RNF187: variants seen among roughly 807,000 people sequenced by gnomAD.
RNF187 encodes the protein E3 ubiquitin-protein ligase RNF187.
RNF187 carries 18 observed loss-of-function variants against 22.2 expected under a neutral mutation model. The ratio of observed to expected loss-of-function variants is 0.81; its 90% confidence interval spans 0.56 to 1.20. RNF187 has a LOEUF of 1.20. Ranked by LOEUF, RNF187 falls within the 50% of genes most tolerant of loss-of-function variation. The pLI, the probability that RNF187 is intolerant of heterozygous loss-of-function variation, is 0.00. For synonymous variants in RNF187, 164 were observed against 140.9 expected, an observed-to-expected ratio of 1.16 and a Z score of -1.16; for missense variants, 329 against 317.6, an observed-to-expected ratio of 1.04 and a Z score of -0.27.
chr1:228,492,921 C>A, intron 2 of RNF187, 132 bp from the exon 3 acceptor site: 2 of 996,918 alleles, frequency 2.0e-6, no homozygotes, highest in Non-Finnish European at 2.9e-6. Flanking sequence ...CTGTGCCTGG[C>A]CTAATAGTCG....
intron 1 of RNF187, chr1:228,488,277 T>G: frequency 6.6e-6 from 1 of 152,334 alleles, no homozygotes; most frequent in Non-Finnish European, 1.5e-5. Flanking sequence ...ACAGATTGAC[T>G]CCTCCACTCA....
chr1:228,488,644 C>T, intron 1 of RNF187, among the ~76,000 whole-genome samples: 4 of 152,244 alleles, frequency 2.6e-5, no homozygotes, highest in Non-Finnish European at 5.9e-5. Flanking sequence ...TCAGGCAGGG[C>T]AGGGTGTAGG....
Position 228,487,500 on chromosome 1 carries a change from T to G in RNF187, c.12T>G (p.Pro4=), listed in dbSNP as rs1328047211. Residue 4 remains proline (P), a synonymous_variant, in exon 1 of 4, where the codon CCT becomes CCG. Transcript: ENST00000305943. ...CGCCGCCCGCAGCCCTGGCGCTCCCTGCGGGCCCCGCCGAGGCCGCCTGCG... is the reference window on the plus strand; with the variant it reads ...CGCCGCCCGCAGCCCTGGCGCTCCCGGCGGGCCCCGCCGAGGCCGCCTGCG... The G allele has an allele frequency of 8.8e-7, 1 of 1,132,212 alleles. No individual in the cohort carries two copies. The highest frequency in any genetic ancestry group is 1.1e-6 in the Non-Finnish European group (1 of 927,570). The allele number at this position is 1,132,212 out of a possible 1,614,324, so 70.1% of individuals were successfully genotyped here.
rs1169661519 is a variant in RNF187, at chr1:228,487,826, GC to G, written c.342del (p.Glu115SerfsTer25). ...TGCGCCGCCTGCCGTATGGCTGCGG[GC>G]CCCGAGCCGCCCGAGTGGGAACCGC... On this transcript the variant is annotated frameshift_variant, in exon 1 of 4. Coordinates refer to ENST00000305943, the MANE Select transcript of RNF187 (RefSeq NM_001010858.3). LOFTEE classifies it high-confidence loss of function. 2.1e-5 allele frequency: 26 copies of G among 1,214,822 alleles called. No individual in the cohort carries two copies. Among genetic ancestry groups the G allele is most frequent in the South Asian group, 2.7e-5 (1 of 37,554 alleles). The allele number at this position is 1,214,822 out of a possible 1,614,324, so 75.3% of individuals were successfully genotyped here.
chr1:228,488,568 C>T lies in RNF187; in HGVS notation c.391-392C>T. 24 of 175,252 alleles carry T rather than the reference C, an allele frequency of 1.4e-4. No individual in the cohort carries two copies. In the South Asian group the frequency reaches 1.4e-3, roughly 10 times the overall value. 10.9% of individuals were successfully genotyped at this position (175,252 alleles called of 1,614,324 possible). ...TACAGGGGAGGGGAAGCCAGCCAGACTGTGTCCCTGGGTGCTCCTCCTGCA... is the reference window on the plus strand; with the variant it reads ...TACAGGGGAGGGGAAGCCAGCCAGATTGTGTCCCTGGGTGCTCCTCCTGCA... On this transcript the variant is annotated intron_variant, in intron 1 of 3. Transcript: ENST00000305943.
At chr1:228,491,831 C>A in intron 2 of RNF187, among the ~76,000 whole-genome samples, 1 of 152,176 alleles carries the variant, frequency 6.6e-6, no homozygotes, top group Non-Finnish European at 1.5e-5. Flanking sequence ...CACTTATATA[C>A]TGACTTGGAC....
In RNF187 at chr1:228,487,770, G is replaced by C. The variant is rs1658871806; in HGVS notation, c.282G>C (p.Gln94His). 3 of 1,067,436 alleles carry C rather than the reference G, an allele frequency of 2.8e-6. No individual in the cohort carries two copies. Among genetic ancestry groups the C allele is most frequent in the Non-Finnish European group, 3.4e-6 (3 of 884,040 alleles). The allele number at this position is 1,067,436 out of a possible 1,614,324, so 66.1% of individuals were successfully genotyped here. Residue 94 changes from glutamine to histidine, a missense_variant, in exon 1 of 4, where the codon CAG (glutamine) becomes CAC (histidine). Physicochemically the swap from Gln to His is conservative, Grantham distance 24. Coordinates refer to ENST00000305943, the MANE Select transcript of RNF187 (RefSeq NM_001010858.3). ...GCCCGGCCAGCGAGGCCGCGCTGCA[G>C]CTGCTGTGCCGCGCCGACGCCGGCC... is the stretch of plus-strand genomic sequence containing the variant.
chr1:228,493,991 G>T lies in RNF187; in HGVS notation c.*106G>T. The stretch of plus-strand genomic sequence containing the variant: ...GCCAGGGAAGCGTGGCAGGCGCCTG[G>T]CCTTGGGTCCATCTACATAGTTGCG... On this transcript the variant is annotated 3_prime_UTR_variant, in exon 4 of 4. Coordinates refer to ENST00000305943, the MANE Select transcript of RNF187 (RefSeq NM_001010858.3). This position sits in a 1 kb window ranked among gnomAD's most constrained non-coding sequence, Gnocchi z 4.7. The T allele has an allele frequency of 6.4e-7, 1 of 1,551,086 alleles. No individual in the cohort carries two copies. Among genetic ancestry groups the T allele is most frequent in the Admixed American group, 2.0e-5 (1 of 50,976 alleles).
intron 2 of RNF187, 104 bp from the exon 3 acceptor site, chr1:228,492,949 G>A: frequency 1.6e-6 from 2 of 1,239,798 alleles, no homozygotes; most frequent in Non-Finnish European, 2.2e-6. Flanking sequence ...TGAGCAGCAT[G>A]TTTTGGAGTG....
chr1:228,492,154 G>A, intron 2 of RNF187, among the ~76,000 whole-genome samples: 6 of 151,640 alleles, frequency 4.0e-5, no homozygotes, highest in Admixed American at 6.6e-5. Flanking sequence ...GGGCTCAAGC[G>A]ATCGTCTTAC....
chr1:228,494,886 C>T lies in RNF187; in HGVS notation c.*1001C>T. The T allele has an allele frequency of 1.0e-6, 1 of 985,416 alleles. No homozygotes were observed. The highest frequency in any genetic ancestry group is 4.7e-5 in the South Asian group (1 of 21,272). The allele number at this position is 985,416 out of a possible 1,614,324, so 61.0% of individuals were successfully genotyped here. ...ATGAAGCCTTTCAGCCCTTCTGAGT[C>T]CCCGGCCCTTGGTGCGATGTCTGTG... is the stretch of plus-strand genomic sequence containing the variant. On this transcript the variant is annotated 3_prime_UTR_variant, in exon 4 of 4. Coordinates refer to ENST00000305943, the MANE Select transcript of RNF187 (RefSeq NM_001010858.3).
Position 228,494,000 on chromosome 1 carries a change from C to A in RNF187, c.*115C>A. 1 of 1,550,760 alleles carries A rather than the reference C, an allele frequency of 6.4e-7. No individual in the cohort carries two copies. Among genetic ancestry groups the A allele is most frequent in the Non-Finnish European group, 8.7e-7 (1 of 1,146,726 alleles). ...GCGTGGCAGGCGCCTGGCCTTGGGTCCATCTACATAGTTGCGTGTTTCAAC... is the reference window on the plus strand; with the variant it reads ...GCGTGGCAGGCGCCTGGCCTTGGGTACATCTACATAGTTGCGTGTTTCAAC... On this transcript the variant is annotated 3_prime_UTR_variant, in exon 4 of 4. Transcript: ENST00000305943. The surrounding 1 kb of genome is among the most constrained non-coding windows in gnomAD (Gnocchi z 4.7).
At chr1:228,489,266 CT>C in intron 2 of RNF187, among the ~76,000 whole-genome samples, 1 of 152,254 alleles carries the variant, frequency 6.6e-6, no homozygotes, top group Admixed American at 6.5e-5. Flanking sequence ...GTGGAAGCCT[CT>C]TTTTCTCCTC....
rs1174047647 is a variant in RNF187 at position 228,487,555 on chromosome 1, G to A, written c.67G>A (p.Val23Met). ...GTGCCAGCGCGCGCCCCGGGAACCG[G>A]TGCGCGCCGACTGCGGCCACCGCTT... Residue 23 changes from valine (V) to methionine (M), a missense_variant, in exon 1 of 4, where the codon GTG becomes ATG. Val to Met is a conservative substitution (Grantham distance 21). Coordinates refer to ENST00000305943, the MANE Select transcript of RNF187 (RefSeq NM_001010858.3). 6 of 1,244,960 alleles carry A rather than the reference G, an allele frequency of 4.8e-6. No individual in the cohort carries two copies. The highest frequency in any genetic ancestry group is 6.1e-6 in the Non-Finnish European group (6 of 982,824). 77.1% of individuals were successfully genotyped at this position (1,244,960 alleles called of 1,614,324 possible).
At chr1:228,490,204 A>C in intron 2 of RNF187, among the ~76,000 whole-genome samples, 2 of 152,328 alleles carry the variant, frequency 1.3e-5, no homozygotes, top group Admixed American at 1.3e-4. Context: ...CCCCAGCTTG[A>C]GGCTGAGGTG....
Position 228,493,789 on chromosome 1 carries a change from C to G in RNF187, c.706-94C>G. 7.4e-7 allele frequency: 1 copy of G among 1,346,942 alleles called. No individual in the cohort carries two copies. The highest frequency in any genetic ancestry group is 1.0e-6 in the Non-Finnish European group (1 of 961,410). The allele number at this position is 1,346,942 out of a possible 1,614,324, so 83.4% of individuals were successfully genotyped here. A position where few individuals can be genotyped will look rare whatever the true frequency, so the allele number is the denominator to read the frequency against. On this transcript the variant is annotated intron_variant, in intron 3 of 3. Coordinates refer to ENST00000305943, the MANE Select transcript of RNF187 (RefSeq NM_001010858.3). This position sits in a 1 kb window ranked among gnomAD's most constrained non-coding sequence, Gnocchi z 4.7. ...CCTCATGCGCTGTCTCATGTGCGCT[C>G]TCTCTTTCGCTCTCTCCTTTTGCCT...
intron 1 of RNF187, 113 bp from the exon 2 acceptor site, chr1:228,488,847 C>T: frequency 1.2e-6 from 1 of 834,688 alleles, no homozygotes; most frequent in Non-Finnish European, 1.9e-6. Context: ...TCGAGGTTAT[C>T]TCTGGGATGG....
Position 228,493,972 on chromosome 1 carries a change from G to T in RNF187, c.*87G>T. ...GAAGTGTCAGCGTGTGGCTGCCAGG[G>T]AAGCGTGGCAGGCGCCTGGCCTTGG... On this transcript the variant is annotated 3_prime_UTR_variant, in exon 4 of 4. Transcript: ENST00000305943. This position sits in a 1 kb window ranked among gnomAD's most constrained non-coding sequence, Gnocchi z 4.7. The T allele has an allele frequency of 1.3e-6, 2 of 1,551,606 alleles. No individual in the cohort carries two copies. The highest frequency in any genetic ancestry group is 1.7e-6 in the Non-Finnish European group (2 of 1,146,956).
chr1:228,495,970 C>T lies in RNF187; in HGVS notation c.*2085C>T. Among the ~76,000 whole-genome samples, 18 of 152,170 alleles carry T rather than the reference C, an allele frequency of 1.2e-4. No individual in the cohort carries two copies. Among genetic ancestry groups the T allele is most frequent in the Admixed American group, 1.2e-3 (18 of 15,274 alleles). On this transcript the variant is annotated 3_prime_UTR_variant, in exon 4 of 4. Transcript: ENST00000305943. ...TCAAGTACCCTGCAGTCAGCCCTCC[C>T]TCTGCACATATGTGGGACAGTCAGA...
Sources: gnomAD v4.1 joint callset for allele counts (sites outside exome capture counted in the v4.1 genomes callset) on GRCh38, gnomAD v4.1.1 for gene constraint, Gnocchi (gnomAD v3.1) non-coding constraint, MANE v1.5 for transcripts, NCBI Gene and HGNC (gene_info 2026-07-23, HGNC 2026-07-21) for gene names.